PTPRD: variants seen among roughly 807,000 people sequenced by gnomAD.
PTPRD encodes protein tyrosine phosphatase receptor type D.
A neutral mutation model predicts 214.5 loss-of-function variants in PTPRD; 34 were observed. That is an observed-to-expected ratio of 0.16 (90% CI 0.12 to 0.21). The LOEUF (loss-of-function observed/expected upper bound fraction) is 0.21, where lower values mean the gene tolerates loss of function less well. Ranked by LOEUF, PTPRD falls within the 10% of genes least tolerant of loss-of-function variation. The probability of loss-of-function intolerance (pLI) is 1.00; values close to 1 mark genes in which losing one functional copy is unlikely to be tolerated. For missense variants in PTPRD, 2,545 were observed against 2,398.7 expected, an observed-to-expected ratio of 1.06 and a Z score of -1.27; for synonymous variants, 1,128 against 845.7, an observed-to-expected ratio of 1.33 and a Z score of -5.79.
chr9:9,303,975 G>T (rs1226043909), intron 9 of PTPRD, among the ~76,000 whole-genome samples: 1 of 152,100 alleles, frequency 6.6e-6, no homozygotes, highest in Non-Finnish European at 1.5e-5. Flanking sequence ...AGTAACATTT[G>T]TTCCTACTTC....
chr9:8,681,425 T>C (rs770124426), intron 12 of PTPRD, among the ~76,000 whole-genome samples: 20 of 152,330 alleles, frequency 1.3e-4, no homozygotes, highest in Middle Eastern at 3.4e-3. Flanking sequence ...AACAGGCTAG[T>C]TTGAAGCAAC....
At chr9:9,411,970 G>C (rs534694905) in intron 8 of PTPRD, among the ~76,000 whole-genome samples, 2 of 152,268 alleles carry the variant, frequency 1.3e-5, no homozygotes, top group Non-Finnish European at 2.9e-5. Flanking sequence ...GCCAGGAAAA[G>C]GTCAGTGAAG....
At chr9:9,298,419 T>C (rs1463136148) in intron 9 of PTPRD, among the ~76,000 whole-genome samples, 1 of 151,754 alleles carries the variant, frequency 6.6e-6, no homozygotes, top group Non-Finnish European at 1.5e-5. Context: ...TAATTTCTCC[T>C]GTGAATTTTA....
chr9:10,144,200 T>C (rs1233912514), intron 3 of PTPRD, among the ~76,000 whole-genome samples: 1 of 152,154 alleles, frequency 6.6e-6, no homozygotes, highest in Non-Finnish European at 1.5e-5. Context: ...AGAAACTCTT[T>C]GCAATGTTTA....
intron 11 of PTPRD, among the ~76,000 whole-genome samples, chr9:8,810,233 A>G (rs898470125): frequency 6.6e-6 from 1 of 152,244 alleles, no homozygotes; most frequent in Non-Finnish European, 1.5e-5. Flanking sequence ...CTTTGGAAAG[A>G]AAAAGGTAGA....
intron 12 of PTPRD, among the ~76,000 whole-genome samples, chr9:8,695,028 C>G (rs1190050846): frequency 1.3e-5 from 2 of 152,158 alleles, no homozygotes; most frequent in Admixed American, 1.3e-4. Context: ...GTGATTTATT[C>G]AGCTACTCAA....
intron 14 of PTPRD, among the ~76,000 whole-genome samples, chr9:8,612,604 T>C (rs2095489210): frequency 6.6e-6 from 1 of 152,198 alleles, no homozygotes; most frequent in South Asian, 2.1e-4. Flanking sequence ...AATAAGTTAA[T>C]GAAAATCCAC....
intron 2 of PTPRD, among the ~76,000 whole-genome samples, chr9:10,390,674 G>C (rs1280860619): frequency 6.6e-6 from 1 of 151,566 alleles, no homozygotes; most frequent in Non-Finnish European, 1.5e-5. Context: ...TTCTCTTCAA[G>C]ATGGGGAAAT....
chr9:9,085,434 G>T (rs1450831599), intron 10 of PTPRD, among the ~76,000 whole-genome samples: 1 of 152,028 alleles, frequency 6.6e-6, no homozygotes, highest in African/African-American at 2.4e-5. Flanking sequence ...AAGCTTTGAC[G>T]GGTACTAATG....
At chr9:8,670,298 T>A (rs1290360374) in intron 12 of PTPRD, among the ~76,000 whole-genome samples, 1 of 152,174 alleles carries the variant, frequency 6.6e-6, no homozygotes, top group Non-Finnish European at 1.5e-5. Flanking sequence ...GACCTATATC[T>A]CCCATTTCCT....
chr9:10,501,586 T>A (rs1807372392), intron 2 of PTPRD, among the ~76,000 whole-genome samples: 1 of 152,018 alleles, frequency 6.6e-6, no homozygotes, highest in Non-Finnish European at 1.5e-5. Context: ...ATATCATTAA[T>A]TAACAGTACT....
chr9:9,595,105 C>T (rs118038180), intron 7 of PTPRD, among the ~76,000 whole-genome samples: 9,954 of 151,354 alleles, frequency 0.066, 444 homozygotes, highest in Non-Finnish European at 0.094. Context: ...GGCGTAGATG[C>T]GGTGAACAGG....
intron 7 of PTPRD, among the ~76,000 whole-genome samples, chr9:9,598,937 A>G (rs1239269533): frequency 1.3e-5 from 2 of 151,974 alleles, no homozygotes; most frequent in African/African-American, 4.8e-5. Context: ...TTAGCTCATC[A>G]TCACAGTTCT....
intron 14 of PTPRD, among the ~76,000 whole-genome samples, chr9:8,562,712 C>T (rs1257221528): frequency 6.6e-6 from 1 of 152,146 alleles, no homozygotes; most frequent in East Asian, 1.9e-4. Context: ...GCCAGGATTA[C>T]AGGCCTGAGC....
intron 3 of PTPRD, among the ~76,000 whole-genome samples, chr9:10,253,993 T>C (rs1330565709): frequency 6.6e-6 from 1 of 152,148 alleles, no homozygotes; most frequent in Non-Finnish European, 1.5e-5. Context: ...TCTATAGCAA[T>C]ACATATGTAA....
intron 14 of PTPRD, among the ~76,000 whole-genome samples, chr9:8,616,684 A>G (rs1157283482): frequency 6.6e-6 from 1 of 152,144 alleles, no homozygotes; most frequent in African/African-American, 2.4e-5. Context: ...AAGCTACTAC[A>G]ATAGATACCC....
intron 9 of PTPRD, among the ~76,000 whole-genome samples, chr9:9,324,950 T>A (rs1016594290): frequency 6.6e-6 from 1 of 152,194 alleles, no homozygotes; most frequent in African/African-American, 2.4e-5. Flanking sequence ...AAATAGGGAA[T>A]CCTTTCCCCA....
chr9:10,608,202 G>C (rs2079999308), intron 2 of PTPRD, among the ~76,000 whole-genome samples: 1 of 151,982 alleles, frequency 6.6e-6, no homozygotes, highest in African/African-American at 2.4e-5. Context: ...AGAGATTTCA[G>C]AGTGGGAAAA....
chr9:8,729,086 G>C (rs1484957701), intron 12 of PTPRD, among the ~76,000 whole-genome samples: 1 of 152,144 alleles, frequency 6.6e-6, no homozygotes, highest in Non-Finnish European at 1.5e-5. Context: ...GCTTTCTGAA[G>C]AGGCACTGTA....
Sources: gnomAD v4.1 joint callset for allele counts (sites outside exome capture counted in the v4.1 genomes callset) on GRCh38, gnomAD v4.1.1 for gene constraint, MANE v1.5 for transcripts, NCBI Gene and HGNC (gene_info 2026-07-23, HGNC 2026-07-21) for gene names.